The following KCNIP4 variants were observed in gnomAD, a reference collection of about 807,000 sequenced individuals.
KCNIP4 encodes the protein potassium voltage-gated channel interacting protein 4.
In KCNIP4, 12 loss-of-function variants were observed where a neutral mutation model predicts 34.0. The ratio of observed to expected loss-of-function variants is 0.35; its 90% confidence interval spans 0.23 to 0.57. The LOEUF (loss-of-function observed/expected upper bound fraction) is 0.57, where lower values mean the gene tolerates loss of function less well. Among genes scored for constraint, KCNIP4 ranks in the 20% least tolerant of loss-of-function variants. The pLI, the probability that KCNIP4 is intolerant of heterozygous loss-of-function variation, is 0.83. For missense variants in KCNIP4, 238 were observed against 311.7 expected (o/e 0.76, Z 1.78); for synonymous variants, 124 against 102.2 (o/e 1.21, Z -1.29).
intron 1 of KCNIP4, among the ~76,000 whole-genome samples, chr4:21,871,163 T>C (rs555485143): frequency 1.3e-5 from 2 of 151,504 alleles, no homozygotes; most frequent in East Asian, 2.0e-4. Flanking sequence ...GCAGGTTTGC[T>C]ACATATATGC....
At chr4:21,869,982 T>A (rs1310938982) in intron 1 of KCNIP4, among the ~76,000 whole-genome samples, 1 of 152,182 alleles carries the variant, frequency 6.6e-6, no homozygotes, top group Non-Finnish European at 1.5e-5. Context: ...ATAAGTGGGC[T>A]TTTTAGTCAG....
chr4:20,989,095 CA>C (rs1483060238), intron 1 of KCNIP4, among the ~76,000 whole-genome samples: 1 of 152,174 alleles, frequency 6.6e-6, no homozygotes, highest in Non-Finnish European at 1.5e-5. Context: ...TATAAGTCCC[CA>C]ATTCTAAGCA....
intron 3 of KCNIP4, among the ~76,000 whole-genome samples, chr4:20,793,839 C>T (rs765666347): frequency 4.6e-5 from 7 of 151,912 alleles, no homozygotes; most frequent in Non-Finnish European, 8.8e-5. Context: ...AAGGAGCACA[C>T]AACCTAGATC....
In KCNIP4 at chr4:21,676,840, A is replaced by C. The variant is rs556460784; in HGVS notation, c.61+271731T>G. On this transcript the variant is annotated intron_variant, in intron 1 of 8. Transcript: ENST00000382152. ...CCATGAAATACTGAGTATGTCTTTA[A>C]ATATATCAGATAAAATTACATAATT... is the stretch of plus-strand genomic sequence containing the variant. Among the ~76,000 whole-genome samples the C allele has an allele frequency of 6.6e-5, 10 of 152,280 alleles. No homozygotes were observed. The East Asian group carries it at 1.9e-3, about 29-fold the overall frequency.
chr4:21,930,273 C>G (rs1284372067), intron 1 of KCNIP4, among the ~76,000 whole-genome samples: 1 of 152,114 alleles, frequency 6.6e-6, no homozygotes, highest in Admixed American at 6.6e-5. Context: ...CTTGATTATA[C>G]CTGCTACTGT....
chr4:21,761,632 A>T (rs1718060370), intron 1 of KCNIP4, among the ~76,000 whole-genome samples: 1 of 84,740 alleles, frequency 1.2e-5, no homozygotes, highest in African/African-American at 7.5e-5. Flanking sequence ...ACAAGTACAA[A>T]AAAGCAAAAA....
intron 1 of KCNIP4, among the ~76,000 whole-genome samples, chr4:21,288,893 A>G (rs1048780768): frequency 6.6e-6 from 1 of 152,210 alleles, no homozygotes; most frequent in Non-Finnish European, 1.5e-5. Context: ...ATATTGCTCC[A>G]AAGGACAGGA....
chr4:21,254,898 T>C (rs1760957013), intron 1 of KCNIP4, among the ~76,000 whole-genome samples: 1 of 152,236 alleles, frequency 6.6e-6, no homozygotes, highest in African/African-American at 2.4e-5. Flanking sequence ...CGCTATCTTC[T>C]AATATTTCCC....
chr4:21,564,941 C>A (rs1739736747), intron 1 of KCNIP4, among the ~76,000 whole-genome samples: 1 of 152,062 alleles, frequency 6.6e-6, no homozygotes, highest in African/African-American at 2.4e-5. Context: ...GGGATCTAAC[C>A]CCCTTGAGTC....
chr4:21,772,934 T>A (rs1232925826), intron 1 of KCNIP4, among the ~76,000 whole-genome samples: 5 of 152,178 alleles, frequency 3.3e-5, no homozygotes, highest in African/African-American at 4.8e-5. Flanking sequence ...TATGCTCTGA[T>A]CTTGGTTATT....
intron 5 of KCNIP4, among the ~76,000 whole-genome samples, chr4:20,736,580 C>CT (rs1365100037): frequency 1.3e-5 from 2 of 151,902 alleles, no homozygotes; most frequent in African/African-American, 2.4e-5. Flanking sequence ...TATATGTTTA[C>CT]TTTTTTCTAA....
chr4:21,379,097 A>G (rs988809733), intron 1 of KCNIP4, among the ~76,000 whole-genome samples: 1 of 152,130 alleles, frequency 6.6e-6, no homozygotes, highest in Non-Finnish European at 1.5e-5. Context: ...CATAAATTCT[A>G]CTCTAGTGTA....
chr4:21,133,651 G>T (rs575252803), intron 1 of KCNIP4, among the ~76,000 whole-genome samples: 24 of 110,132 alleles, frequency 2.2e-4, no homozygotes, highest in African/African-American at 1.0e-3. Context: ...CTTAGTAAAT[G>T]CCATTCCTAT....
intron 1 of KCNIP4, among the ~76,000 whole-genome samples, chr4:21,090,863 T>C (rs1463544975): frequency 2.0e-5 from 3 of 152,228 alleles, no homozygotes; most frequent in Non-Finnish European, 4.4e-5. Flanking sequence ...AATGAGAAAA[T>C]ACTACTAGAC....
chr4:21,820,524 G>A (rs1295336334), intron 1 of KCNIP4, among the ~76,000 whole-genome samples: 1 of 151,826 alleles, frequency 6.6e-6, no homozygotes, highest in Non-Finnish European at 1.5e-5. Flanking sequence ...CCTGAATTCA[G>A]CTGAACAAAA....
intron 1 of KCNIP4, among the ~76,000 whole-genome samples, chr4:21,575,977 G>A (rs951647319): frequency 4.6e-5 from 7 of 152,152 alleles, no homozygotes; most frequent in African/African-American, 1.7e-4. Context: ...TCATCACTTG[G>A]AAGAGAGCCA....
At chr4:21,381,009 G>A (rs1010729682) in intron 1 of KCNIP4, among the ~76,000 whole-genome samples, 5 of 152,174 alleles carry the variant, frequency 3.3e-5, no homozygotes, top group African/African-American at 1.2e-4. Flanking sequence ...TTCATCTGAA[G>A]AGTCAAAGCT....
At position 20,931,479 on chromosome 4, in the gene KCNIP4, T is replaced by C. The variant is rs112605357; in HGVS notation, c.62-48770A>G. Among the ~76,000 whole-genome samples the C allele has an allele frequency of 1.4e-3, 209 of 152,268 alleles. 1 individual carries two copies. Among genetic ancestry groups the C allele is most frequent in the African/African-American group, 4.7e-3 (196 of 41,580 alleles). ...TACTACACAACTAGTCTATGTGGTA[T>C]AGCCTATTGCTCCCAGGACACAAAC... On this transcript the variant is annotated intron_variant, in intron 1 of 8. Transcript: ENST00000382152.
rs995144044 is a variant in KCNIP4 at position 21,106,021 on chromosome 4, C to T, written c.62-223312G>A. 1.4e-4 allele frequency among the ~76,000 whole-genome samples: 21 copies of T among 151,590 alleles called. 1 individual carries two copies. Among genetic ancestry groups the T allele is most frequent in the Admixed American group, 1.4e-3 (21 of 15,276 alleles). On this transcript the variant is annotated intron_variant, in intron 1 of 8. Coordinates refer to ENST00000382152, the MANE Select transcript of KCNIP4 (RefSeq NM_025221.6). ...GCCAGTATTTTACTGAGGATTTTTGCATCAATGTTCATCAAGGATATTGGT... is the reference window on the plus strand; with the variant it reads ...GCCAGTATTTTACTGAGGATTTTTGTATCAATGTTCATCAAGGATATTGGT...
Sources: gnomAD v4.1 joint callset for allele counts (sites outside exome capture counted in the v4.1 genomes callset) on GRCh38, gnomAD v4.1.1 for gene constraint, MANE v1.5 for transcripts, NCBI Gene and HGNC (gene_info 2026-07-23, HGNC 2026-07-21) for gene names.